Variants in NEGR1 observed in about 807,000 individuals in gnomAD.
NEGR1 encodes IgLON family member 4.
A neutral mutation model predicts 40.9 loss-of-function variants in NEGR1; 10 were observed. That is an observed-to-expected ratio of 0.24 (90% CI 0.15 to 0.42). NEGR1 has a LOEUF of 0.42. NEGR1 is among the 10% of genes least tolerant of loss of function. The pLI, the probability that NEGR1 is intolerant of heterozygous loss-of-function variation, is 1.00. For synonymous variants in NEGR1, 185 were observed against 166.8 expected, an observed-to-expected ratio of 1.11 and a Z score of -0.84; for missense variants, 352 against 438.9, an observed-to-expected ratio of 0.80 and a Z score of 1.77.
chr1:71,972,971 C>G (rs11803787), intron 1 of NEGR1, among the ~76,000 whole-genome samples: 1 of 151,878 alleles, frequency 6.6e-6, no homozygotes, highest in Non-Finnish European at 1.5e-5. Flanking sequence ...AAGATTCCCT[C>G]GCAGAGGTAA....
In NEGR1 at chr1:71,668,490, C is replaced by CT. The variant is rs1484195211; in HGVS notation, c.667+29517dup. On this transcript the variant is annotated intron_variant, in intron 4 of 6. Coordinates refer to ENST00000357731, the MANE Select transcript of NEGR1 (RefSeq NM_173808.3). ...GGTTAGGGCTCATTGGATAACTATT[C>CT]TTTTTTTAATTGATAGAATATTTGC... is the stretch of plus-strand genomic sequence containing the variant. Among the ~76,000 whole-genome samples, 2 of 152,160 alleles carry CT rather than the reference C, an allele frequency of 1.3e-5. 1 individual carries two copies. Among genetic ancestry groups the CT allele is most frequent in the South Asian group, 4.1e-4 (2 of 4,824 alleles).
At chr1:71,439,549 GAC>G in intron 6 of NEGR1, among the ~76,000 whole-genome samples, 1 of 152,218 alleles carries the variant, frequency 6.6e-6, no homozygotes, top group South Asian at 2.1e-4. Flanking sequence ...TTTCTGTAGA[GAC>G]AGAGTTTGAC....
At chr1:71,895,104 C>T (rs1660932698) in intron 2 of NEGR1, among the ~76,000 whole-genome samples, 1 of 152,146 alleles carries the variant, frequency 6.6e-6, no homozygotes, top group Non-Finnish European at 1.5e-5. Context: ...ATAGGAGTGA[C>T]TAGGGTAATA....
intron 2 of NEGR1, among the ~76,000 whole-genome samples, chr1:71,777,826 G>T (rs1233734764): frequency 6.6e-6 from 1 of 151,908 alleles, no homozygotes; most frequent in African/African-American, 2.4e-5. Flanking sequence ...TTGAGGAGAA[G>T]GCTTTTTCCT....
At chr1:72,259,840 G>A (rs1268663612) in intron 1 of NEGR1, among the ~76,000 whole-genome samples, 8 of 151,978 alleles carry the variant, frequency 5.3e-5, no homozygotes, top group Non-Finnish European at 1.0e-4. Context: ...AGGCAAAATC[G>A]CTATGCAGGT....
chr1:72,026,234 G>T (rs540114977), intron 1 of NEGR1, among the ~76,000 whole-genome samples: 84 of 148,792 alleles, frequency 5.6e-4, no homozygotes, highest in African/African-American at 2.1e-3. Context: ...CTGATTTACT[G>T]TTAAAAATGG....
intron 1 of NEGR1, among the ~76,000 whole-genome samples, chr1:72,253,014 A>G (rs74092111): frequency 0.011 from 1,740 of 152,298 alleles, 24 homozygotes; most frequent in African/African-American, 0.039. Flanking sequence ...TTTTGCCTCA[A>G]GAAATAGTTT....
At chr1:71,971,973 G>A (rs1453719443) in intron 1 of NEGR1, among the ~76,000 whole-genome samples, 1 of 152,160 alleles carries the variant, frequency 6.6e-6, no homozygotes, top group Non-Finnish European at 1.5e-5. Context: ...TCTTGAGACT[G>A]TTTTTAGGAA....
At position 71,708,975 on chromosome 1, in the gene NEGR1, T is replaced by C. The variant is rs1034844296; in HGVS notation, c.536-10836A>G. On this transcript the variant is annotated intron_variant, in intron 3 of 6. Transcript: ENST00000357731. ...CATGGTGTATATGTGTCATATTTTC[T>C]TTATTCAGTCTATCACTGATGGACA... 1.3e-4 allele frequency among the ~76,000 whole-genome samples: 20 copies of C among 152,248 alleles called. 1 individual carries two copies. Among genetic ancestry groups the C allele is most frequent in the African/African-American group, 4.6e-4 (19 of 41,470 alleles).
In NEGR1 at chr1:71,398,534, G is replaced by C. The variant is rs1646226530; in HGVS notation, c.*8912C>G. The stretch of plus-strand genomic sequence containing the variant: ...GAATGGCTATGCTTACCCAATGCCT[G>C]TACTTCCATTGCATCTAGGAAGTAA... On this transcript the variant is annotated 3_prime_UTR_variant, in exon 7 of 7. Transcript: ENST00000357731. The C allele has an allele frequency of 6.6e-6, 1 of 152,282 alleles. No individual in the cohort carries two copies. 9.4% of individuals were successfully genotyped at this position (152,282 alleles called of 1,614,324 possible). A position where few individuals can be genotyped will look rare whatever the true frequency, so the allele number is the denominator to read the frequency against.
In NEGR1 at chr1:72,012,392, T is replaced by A. The variant is rs1318506537; in HGVS notation, c.177-77081A>T. On this transcript the variant is annotated intron_variant, in intron 1 of 6. Transcript: ENST00000357731. ...TGTTCTCAGAAAGATATTATAAAAG[T>A]GTCACAGGACCTCCCTTGCTACGGT... Among the ~76,000 whole-genome samples, 4 of 152,142 alleles carry A rather than the reference T, an allele frequency of 2.6e-5. No homozygotes were observed. The East Asian group carries it at 5.8e-4, about 22-fold the overall frequency.
intron 6 of NEGR1, chr1:71,573,603 C>A (rs1648873133): frequency 6.6e-6 from 1 of 152,124 alleles, no homozygotes; most frequent in African/African-American, 2.4e-5. Flanking sequence ...ATTTTAAGAA[C>A]AGAATGAGCT....
chr1:71,784,623 C>A (rs1656845364), intron 2 of NEGR1, among the ~76,000 whole-genome samples: 1 of 152,130 alleles, frequency 6.6e-6, no homozygotes, highest in South Asian at 2.1e-4. Flanking sequence ...GAAGAATGAA[C>A]CCTACAGGAT....
chr1:71,779,618 A>G (rs1410930932), intron 2 of NEGR1, among the ~76,000 whole-genome samples: 2 of 151,452 alleles, frequency 1.3e-5, no homozygotes, highest in Admixed American at 6.6e-5. Context: ...CCCAGGCTGG[A>G]GTGCAATGGC....
At chr1:72,174,267 C>T (rs547772014) in intron 1 of NEGR1, among the ~76,000 whole-genome samples, 19 of 152,258 alleles carry the variant, frequency 1.2e-4, no homozygotes, top group African/African-American at 4.6e-4. Context: ...CATGCACAGT[C>T]TCTTTTACTA....
In NEGR1 at chr1:71,407,362, C is replaced by T; in HGVS notation, c.*84G>A. ...TAAGCACTGCTGATTATATCCCACG[C>T]TGCTTTTAACAAACTGTACCAGATT... is the stretch of plus-strand genomic sequence containing the variant. On this transcript the variant is annotated 3_prime_UTR_variant, in exon 7 of 7. Transcript: ENST00000357731. 3 of 1,319,262 alleles carry T rather than the reference C, an allele frequency of 2.3e-6. No individual in the cohort carries two copies. Among genetic ancestry groups the T allele is most frequent in the Non-Finnish European group, 3.2e-6 (3 of 936,920 alleles). The allele number at this position is 1,319,262 out of a possible 1,614,324, so 81.7% of individuals were successfully genotyped here. A position where few individuals can be genotyped will look rare whatever the true frequency, so the allele number is the denominator to read the frequency against.
At chr1:71,769,402 A>G (rs972987482) in intron 3 of NEGR1, among the ~76,000 whole-genome samples, 9 of 152,158 alleles carry the variant, frequency 5.9e-5, no homozygotes, top group Non-Finnish European at 1.2e-4. Context: ...TACAAATTCT[A>G]TCTGGTTAAT....
chr1:72,099,730 A>T (rs1648855592), intron 1 of NEGR1, among the ~76,000 whole-genome samples: 1 of 151,968 alleles, frequency 6.6e-6, no homozygotes, highest in African/African-American at 2.4e-5. Context: ...TTAGCATCTA[A>T]ATTGTTTTTT....
intron 2 of NEGR1, among the ~76,000 whole-genome samples, chr1:71,782,954 T>C (rs1656768455): frequency 6.6e-6 from 1 of 152,112 alleles, no homozygotes; most frequent in Admixed American, 6.6e-5. Context: ...GAATGGTCTG[T>C]CACATCTTAG....
Sources: gnomAD v4.1 joint callset for allele counts (sites outside exome capture counted in the v4.1 genomes callset) on GRCh38, gnomAD v4.1.1 for gene constraint, MANE v1.5 for transcripts, NCBI Gene and HGNC (gene_info 2026-07-23, HGNC 2026-07-21) for gene names.